The following PAGE3 variants were observed in gnomAD, a reference collection of about 807,000 sequenced individuals.
PAGE3 encodes P antigen family member 3.
A neutral mutation model predicts 3.8 loss-of-function variants in PAGE3; 9 were observed. The observed-to-expected ratio is 2.36, with a 90% confidence interval of 1.42 to 4.12. PAGE3 has a LOEUF of 4.12. Among genes scored for constraint, PAGE3 ranks in the 30% most tolerant of loss-of-function variants. The pLI, the probability that PAGE3 is intolerant of heterozygous loss-of-function variation, is 0.00. For missense variants in PAGE3, 73 were observed against 37.8 expected (o/e 1.93, Z -2.44); for synonymous variants, 24 against 13.1 (o/e 1.83, Z -1.79).
At chrX:55,264,429 G>A (rs891897875) in intron 1 of PAGE3, 117 bp downstream of exon 1, 1 of 111,345 alleles carries the variant, frequency 9.0e-6, no homozygotes, top group Non-Finnish European at 1.9e-5. Context: ...TCAGCCCGCA[G>A]TGTTCCTAGT....
chrX:55,260,668 T>TA lies in PAGE3; in HGVS notation c.194-10dup. On this transcript the variant is annotated splice_polypyrimidine_tract_variant and intron_variant, in intron 3 of 4. Coordinates refer to ENST00000374951, the MANE Select transcript of PAGE3 (RefSeq NM_001017931.3). Reference sequence around the variant, plus strand: ...GGCTGCCAGGCCTAGCACTTAAAAATAAAAAACATTACCAATTTAAGTTGT... The same window carrying TA: ...GGCTGCCAGGCCTAGCACTTAAAAATAAAAAAACATTACCAATTTAAGTTGT... 2 of 526,185 alleles carry TA rather than the reference T, an allele frequency of 3.8e-6. No individual in the cohort carries two copies. The highest frequency in any genetic ancestry group is 6.9e-6 in the Non-Finnish European group (2 of 291,169). 43.4% of individuals were successfully genotyped at this position (526,185 alleles called of 1,213,427 possible).
In PAGE3 at chrX:55,264,813, C is replaced by G. The variant is rs896429444; in HGVS notation, c.-276G>C. On this transcript the variant is annotated 5_prime_UTR_variant, in exon 1 of 5. Coordinates refer to ENST00000374951, the MANE Select transcript of PAGE3 (RefSeq NM_001017931.3). ...CCAGGAGGACTGATCTGCGGACCTA[C>G]CAGCTGAGTCCCAGTCAGTGAGAAA... 1.8e-5 allele frequency: 2 copies of G among 111,451 alleles called. No homozygotes were observed. Among genetic ancestry groups the G allele is most frequent in the African/African-American group, 3.3e-5 (1 of 30,624 alleles). 9.2% of individuals were successfully genotyped at this position (111,451 alleles called of 1,213,427 possible). A position where few individuals can be genotyped will look rare whatever the true frequency, so the allele number is the denominator to read the frequency against.
chrX:55,261,444 G>A (rs1419589300), intron 3 of PAGE3, among the ~76,000 whole-genome samples: 3 of 111,952 alleles, frequency 2.7e-5, no homozygotes, highest in Non-Finnish European at 5.6e-5. Flanking sequence ...TAATCTAGGT[G>A]AAAAGCATAT....
intron 4 of PAGE3, among the ~76,000 whole-genome samples, chrX:55,260,124 A>G (rs934289088): frequency 8.9e-6 from 1 of 111,766 alleles, no homozygotes; most frequent in African/African-American, 3.2e-5. Flanking sequence ...AAGATAAGGA[A>G]TTTGCCCAAA....
intron 1 of PAGE3, among the ~76,000 whole-genome samples, 184 bp from the exon 2 acceptor site, chrX:55,264,095 T>C (rs779977976): frequency 1.8e-4 from 20 of 111,831 alleles, no homozygotes; most frequent in South Asian, 7.5e-4. Flanking sequence ...GTCATTAATG[T>C]TATGGCTATG....
At chrX:55,261,298 C>A (rs1938284738) in intron 3 of PAGE3, among the ~76,000 whole-genome samples, 1 of 110,794 alleles carries the variant, frequency 9.0e-6, no homozygotes, top group Non-Finnish European at 1.9e-5. Context: ...TGAATATAAG[C>A]TATATATTAA....
chrX:55,261,197 G>T (rs1276205349), intron 3 of PAGE3, among the ~76,000 whole-genome samples: 4 of 111,490 alleles, frequency 3.6e-5, no homozygotes, highest in African/African-American at 1.3e-4. Flanking sequence ...GATTAAAAAA[G>T]ATTAAATAGG....
rs1245533944 is a variant in PAGE3 at position 55,263,916 on chromosome X, A to G, written c.-8-5T>C. 1 of 561,975 alleles carries G rather than the reference A, an allele frequency of 1.8e-6. No homozygotes were observed. Among genetic ancestry groups the G allele is most frequent in the Non-Finnish European group, 3.3e-6 (1 of 307,389 alleles). 46.3% of individuals were successfully genotyped at this position (561,975 alleles called of 1,213,427 possible). ...GATGTCCACTCATGTTTCACTCTGA[A>G]AGTGGCATACTGTGATTCAGAAAAT... is the stretch of plus-strand genomic sequence containing the variant. On this transcript the variant is annotated splice_polypyrimidine_tract_variant and splice_region_variant and intron_variant, in intron 1 of 4. Coordinates refer to ENST00000374951, the MANE Select transcript of PAGE3 (RefSeq NM_001017931.3).
intron 4 of PAGE3, among the ~76,000 whole-genome samples, chrX:55,260,328 G>A (rs1022182521): frequency 1.8e-5 from 2 of 111,663 alleles, no homozygotes; most frequent in Non-Finnish European, 3.8e-5. Context: ...TTTTATAATT[G>A]AATGTGGCTT....
chrX:55,259,964 A>G (rs1300549894), intron 4 of PAGE3, among the ~76,000 whole-genome samples: 1 of 111,439 alleles, frequency 9.0e-6, no homozygotes, highest in African/African-American at 3.2e-5. Flanking sequence ...TTCTTTCCTA[A>G]ACACTAAGTG....
Position 55,260,635 on chromosome X carries a change from C to T in PAGE3, c.218G>A (p.Trp73Ter), listed in dbSNP as rs1938274317. Residue 73 changes from tryptophan (W) to a stop codon, truncating the protein, a stop_gained, in exon 4 of 5, where the codon TGG (tryptophan) becomes TAG (stop). Transcript: ENST00000374951. LOFTEE classifies it high-confidence loss of function. Reference sequence around the variant, plus strand: ...CCCAGTCTTTGACCGAGTCAGTTCCCAGAGATAGGCTGCCAGGCCTAGCAC... The same window carrying T: ...CCCAGTCTTTGACCGAGTCAGTTCCTAGAGATAGGCTGCCAGGCCTAGCAC... ...FQVLGLAAYL[W>*]ELTRSKTGGE... 3 of 558,291 alleles carry T rather than the reference C, an allele frequency of 5.4e-6. No homozygotes were observed. Among genetic ancestry groups the T allele is most frequent in the Non-Finnish European group, 9.9e-6 (3 of 303,757 alleles). 46.0% of individuals were successfully genotyped at this position (558,291 alleles called of 1,213,427 possible). A position where few individuals can be genotyped will look rare whatever the true frequency, so the allele number is the denominator to read the frequency against.
In PAGE3 at chrX:55,260,039, C is replaced by T. The variant is rs191600636; in HGVS notation, c.319+495G>A. On this transcript the variant is annotated intron_variant, in intron 4 of 4. Coordinates refer to ENST00000374951, the MANE Select transcript of PAGE3 (RefSeq NM_001017931.3). ...AAGTTTGGAAAAAACATGTGTAAAA[C>T]GTACTTAAGTTGATTACTCAAATTT... Among the ~76,000 whole-genome samples, 439 of 111,175 alleles carry T rather than the reference C, an allele frequency of 3.9e-3. 1 individual carries two copies. Among genetic ancestry groups the T allele is most frequent in the African/African-American group, 0.014 (424 of 30,768 alleles).
rs765152631 is a variant in PAGE3 at position 55,263,394 on chromosome X, C to A, written c.85-35G>T. ...TGAGTGCGTGTGCAAATAAAAAGGTCTGTTATTAATAATGCATGTCAATAA... is the reference window on the plus strand; with the variant it reads ...TGAGTGCGTGTGCAAATAAAAAGGTATGTTATTAATAATGCATGTCAATAA... On this transcript the variant is annotated intron_variant, in intron 2 of 4. Transcript: ENST00000374951. 1.3e-5 allele frequency: 7 copies of A among 543,029 alleles called. No homozygotes were observed. In the South Asian group the frequency reaches 1.8e-4, roughly 14 times the overall value. 44.8% of individuals were successfully genotyped at this position (543,029 alleles called of 1,213,427 possible). A position where few individuals can be genotyped will look rare whatever the true frequency, so the allele number is the denominator to read the frequency against.
intron 3 of PAGE3, among the ~76,000 whole-genome samples, chrX:55,261,449 G>A (rs1359057277): frequency 9.0e-6 from 1 of 111,650 alleles, no homozygotes; most frequent in Admixed American, 9.5e-5. Context: ...TAGGTGAAAA[G>A]CATATGAGTT....
In PAGE3 at chrX:55,263,242, A is replaced by G. The variant is rs1338009184; in HGVS notation, c.193+9T>C. ...CATTCATAGGCATTCTTCCTCTCCC[A>G]CGCTTCACCTTGGAAGTCCAGTGCT... On this transcript the variant is annotated intron_variant, in intron 3 of 4. Coordinates refer to ENST00000374951, the MANE Select transcript of PAGE3 (RefSeq NM_001017931.3). 3.6e-6 allele frequency: 2 copies of G among 562,746 alleles called. No homozygotes were observed. The highest frequency in any genetic ancestry group is 4.5e-5 in the African/African-American group (2 of 44,023). The allele number at this position is 562,746 out of a possible 1,213,427, so 46.4% of individuals were successfully genotyped here.
chrX:55,263,310 A>G lies in PAGE3; in HGVS notation c.134T>C (p.Ile45Thr), dbSNP rs778884556. 2 of 570,129 alleles carry G rather than the reference A, an allele frequency of 3.5e-6. No homozygotes were observed. The highest frequency in any genetic ancestry group is 6.5e-6 in the Non-Finnish European group (2 of 309,205). The allele number at this position is 570,129 out of a possible 1,213,427, so 47.0% of individuals were successfully genotyped here. A position where few individuals can be genotyped will look rare whatever the true frequency, so the allele number is the denominator to read the frequency against. ...ACCAGGTGTATAATCCTGACTTTCA[A>G]TTGGTGGTTCCTCTTGTTGAAGCTG... ...NDQLQQEEPP[I>T]ESQDYTPGQE... Residue 45 changes from isoleucine (I) to threonine (T), a missense_variant, in exon 3 of 5, where the codon ATT becomes ACT. Transcript: ENST00000374951.
chrX:55,258,626 G>T (rs1416553650), intron 4 of PAGE3, 98 bp from the exon 5 acceptor site: 11 of 501,491 alleles, frequency 2.2e-5, no homozygotes, highest in Non-Finnish European at 3.6e-5. Context: ...TTTATGAAAT[G>T]AACTATAACA....
intron 4 of PAGE3, 130 bp downstream of exon 4, chrX:55,260,404 T>C (rs896963078): frequency 3.0e-5 from 11 of 371,786 alleles, no homozygotes; most frequent in African/African-American, 2.9e-4. Context: ...GACTGAACTA[T>C]CTTTCAAAGA....
Position 55,260,742 on chromosome X carries a change from T to C in PAGE3, c.194-83A>G, listed in dbSNP as rs1255561580. ...AATGATAATATTCACTCCCTCAATG[T>C]TATGAAATAAAAGCCTATAGGCTAG... On this transcript the variant is annotated intron_variant, in intron 3 of 4. Coordinates refer to ENST00000374951, the MANE Select transcript of PAGE3 (RefSeq NM_001017931.3). 7.3e-6 allele frequency: 3 copies of C among 408,869 alleles called. No individual in the cohort carries two copies. The African/African-American group carries it at 7.7e-5, about 10-fold the overall frequency. 33.7% of individuals were successfully genotyped at this position (408,869 alleles called of 1,213,427 possible). A position where few individuals can be genotyped will look rare whatever the true frequency, so the allele number is the denominator to read the frequency against.
Sources: allele counts gnomAD v4.1 joint callset (sites outside exome capture counted in the v4.1 genomes callset), GRCh38; gene constraint gnomAD v4.1.1; transcripts MANE v1.5; gene names NCBI Gene and HGNC (gene_info 2026-07-23, HGNC 2026-07-21).